PTPRD: variants seen among roughly 807,000 people sequenced by gnomAD.
PTPRD encodes receptor-type tyrosine-protein phosphatase delta.
In PTPRD, 34 loss-of-function variants were observed where a neutral mutation model predicts 214.5. The ratio of observed to expected loss-of-function variants is 0.16; its 90% CI spans 0.12 to 0.21. The LOEUF is 0.21. Among genes scored for constraint, PTPRD ranks in the 10% least tolerant of loss-of-function variants. PTPRD has a pLI of 1.00. For missense variants in PTPRD, 2,545 were observed against 2,398.7 expected, an observed-to-expected ratio of 1.06 and a Z score of -1.27; for synonymous variants, 1,128 against 845.7, an observed-to-expected ratio of 1.33 and a Z score of -5.79.
At chr9:9,214,215 C>T (rs1394406732) in intron 9 of PTPRD, among the ~76,000 whole-genome samples, 13 of 152,312 alleles carry the variant, frequency 8.5e-5, no homozygotes, top group Admixed American at 4.6e-4. Context: ...ACAGCTGTTG[C>T]GTTTCCCTCT....
At chr9:8,502,475 C>A (rs997784406) in intron 23 of PTPRD, among the ~76,000 whole-genome samples, 1 of 151,962 alleles carries the variant, frequency 6.6e-6, no homozygotes, top group Non-Finnish European at 1.5e-5. Flanking sequence ...TACAGTCCAT[C>A]AAAATAAAAG....
chr9:8,434,102 C>A (rs113556759), intron 35 of PTPRD, among the ~76,000 whole-genome samples: 13,636 of 152,158 alleles, frequency 0.09, 1,237 homozygotes, highest in African/African-American at 0.23. Flanking sequence ...CCTGCCTCAG[C>A]CTCCCAAGTG....
At chr9:10,100,127 C>G (rs946685088) in intron 3 of PTPRD, among the ~76,000 whole-genome samples, 1 of 151,590 alleles carries the variant, frequency 6.6e-6, no homozygotes, top group East Asian at 1.9e-4. Context: ...CTAGTTTACA[C>G]CAAGTATTAT....
intron 39 of PTPRD, among the ~76,000 whole-genome samples, chr9:8,361,499 C>T (rs940224074): frequency 2.0e-5 from 3 of 152,178 alleles, no homozygotes; most frequent in Non-Finnish European, 4.4e-5. Flanking sequence ...ATTATAACAG[C>T]ATAGGACACC....
intron 2 of PTPRD, among the ~76,000 whole-genome samples, chr9:10,597,392 G>C (rs1401111305): frequency 6.6e-6 from 1 of 151,654 alleles, no homozygotes; most frequent in East Asian, 1.9e-4. Context: ...AGCACTGTCA[G>C]GGTTTCATTC....
At chr9:8,946,817 T>C (rs914821166) in intron 11 of PTPRD, among the ~76,000 whole-genome samples, 2 of 152,044 alleles carry the variant, frequency 1.3e-5, no homozygotes, top group East Asian at 1.9e-4. Context: ...TGTCCCTTTT[T>C]TTCCCCCCAT....
In PTPRD at chr9:10,078,706, A is replaced by T. The variant is rs191432547; in HGVS notation, c.-544-44916T>A. ...AATAACCTGTATAACAAATCTCCAC[A>T]GTTCTCTTCTGATTGCTGTTTCAAA... On this transcript the variant is annotated intron_variant, in intron 3 of 45. Transcript: ENST00000381196. 2.6e-5 allele frequency among the ~76,000 whole-genome samples: 4 copies of T among 152,118 alleles called. No individual in the cohort carries two copies. In the East Asian group the frequency reaches 7.8e-4, roughly 30 times the overall value.
chr9:10,037,437 C>A (rs2097205307), intron 3 of PTPRD, among the ~76,000 whole-genome samples: 2 of 152,044 alleles, frequency 1.3e-5, no homozygotes, highest in African/African-American at 2.4e-5. Context: ...TATGAAGATG[C>A]CTGCTCCAGC....
intron 2 of PTPRD, among the ~76,000 whole-genome samples, chr9:10,511,174 G>A (rs535196089): frequency 2.0e-5 from 3 of 152,184 alleles, no homozygotes; most frequent in East Asian, 1.9e-4. Flanking sequence ...TTTCATAGTC[G>A]AAGTATGTGT....
intron 33 of PTPRD, among the ~76,000 whole-genome samples, chr9:8,456,892 C>G (rs2096227589): frequency 6.6e-6 from 1 of 152,110 alleles, no homozygotes; most frequent in Admixed American, 6.6e-5. Flanking sequence ...ACTTTTTATC[C>G]ATCTTGAAAT....
At chr9:10,024,718 G>A (rs2096887880) in intron 4 of PTPRD, among the ~76,000 whole-genome samples, 3 of 150,682 alleles carry the variant, frequency 2.0e-5, no homozygotes, top group African/African-American at 7.3e-5. Flanking sequence ...CCATGTTGGT[G>A]TGCTGCACCC....
intron 9 of PTPRD, among the ~76,000 whole-genome samples, chr9:9,207,951 A>G (rs970786608): frequency 5.3e-5 from 8 of 150,912 alleles, no homozygotes; most frequent in African/African-American, 1.9e-4. Context: ...AAGGAAAGGA[A>G]GAGACAAATA....
chr9:8,680,333 A>T (rs2097526904), intron 12 of PTPRD, among the ~76,000 whole-genome samples: 1 of 152,178 alleles, frequency 6.6e-6, no homozygotes, highest in Non-Finnish European at 1.5e-5. Context: ...TAGGAAACAT[A>T]ATTGCCTACA....
intron 2 of PTPRD, among the ~76,000 whole-genome samples, chr9:10,352,531 T>C (rs557375449): frequency 6.4e-4 from 97 of 152,146 alleles, no homozygotes; most frequent in African/African-American, 2.1e-3. Context: ...AAACACACAA[T>C]TGTCTTACAT....
At chr9:8,948,294 C>A (rs4478630) in intron 11 of PTPRD, among the ~76,000 whole-genome samples, 134,953 of 144,266 alleles carry the variant, frequency 0.94, 63,539 homozygotes, top group East Asian at 1. Flanking sequence ...CTGGGATTAC[C>A]GGCGTGAGCC....
At chr9:8,386,858 G>A (rs150323195) in intron 37 of PTPRD, among the ~76,000 whole-genome samples, 1 of 152,180 alleles carries the variant, frequency 6.6e-6, no homozygotes, top group Non-Finnish European at 1.5e-5. Context: ...AATGATGGGA[G>A]GGAGGAAGAC....
intron 2 of PTPRD, among the ~76,000 whole-genome samples, chr9:10,392,746 A>T (rs2098093232): frequency 6.6e-6 from 1 of 151,896 alleles, no homozygotes; most frequent in South Asian, 2.1e-4. Context: ...AGTTCACTGA[A>T]AAAACAGAAA....
At chr9:9,485,411 G>A (rs1276205918) in intron 8 of PTPRD, among the ~76,000 whole-genome samples, 1 of 152,134 alleles carries the variant, frequency 6.6e-6, no homozygotes, top group East Asian at 1.9e-4. Flanking sequence ...TATGAATATA[G>A]CACCTCTACT....
intron 3 of PTPRD, among the ~76,000 whole-genome samples, chr9:10,101,912 T>C (rs931434530): frequency 1.3e-4 from 20 of 151,734 alleles, no homozygotes; most frequent in African/African-American, 4.1e-4. Context: ...ATTGGAAACA[T>C]GTATTTAAGG....
Sources: allele counts gnomAD v4.1 joint callset (sites outside exome capture counted in the v4.1 genomes callset), GRCh38; gene constraint gnomAD v4.1.1; transcripts MANE v1.5; gene names NCBI Gene and HGNC (gene_info 2026-07-23, HGNC 2026-07-21).